The following OLFM2 variants were observed in gnomAD, a reference collection of about 807,000 sequenced individuals.
OLFM2 encodes olfactomedin 2.
OLFM2 carries 20 observed loss-of-function variants against 43.9 expected under a neutral mutation model. The ratio of observed to expected loss-of-function variants is 0.46; its 90% CI spans 0.32 to 0.66. The LOEUF (loss-of-function observed/expected upper bound fraction) is 0.66. Ranked by LOEUF, OLFM2 falls within the 30% of genes least tolerant of loss-of-function variation. The pLI, the probability that OLFM2 is intolerant of heterozygous loss-of-function variation, is 0.04. For synonymous variants in OLFM2, 268 were observed against 278.6 expected, an observed-to-expected ratio of 0.96 and a Z score of 0.38; for missense variants, 416 against 643.6, an observed-to-expected ratio of 0.65 and a Z score of 3.83.
At chr19:9,913,645 G>T in intron 1 of OLFM2, 2 of 1,247,090 alleles carry the variant, frequency 1.6e-6, no homozygotes, top group Non-Finnish European at 1.0e-6. Flanking sequence ...CCCCGCGGCC[G>T]CCCGCCGCGC....
intron 1 of OLFM2, among the ~76,000 whole-genome samples, chr19:9,887,729 T>G (rs2046600240): frequency 6.6e-6 from 1 of 151,962 alleles, no homozygotes; most frequent in Non-Finnish European, 1.5e-5. Flanking sequence ...CCTCCATGGC[T>G]CCCATCTCCC....
At chr19:9,917,589 TC>T (rs1599499742) in intron 1 of OLFM2, among the ~76,000 whole-genome samples, 1 of 152,066 alleles carries the variant, frequency 6.6e-6, no homozygotes, top group African/African-American at 2.4e-5. Context: ...TGCCAGTTCC[TC>T]CCCAAGGGTC....
Position 9,854,978 on chromosome 19 carries a change from A to G in OLFM2, c.688-115T>C. The stretch of plus-strand genomic sequence containing the variant: ...CACTAAGTGGTCATTAGTCATGGGA[A>G]CTCTGTTGACCATTCATTACCAATT... On this transcript the variant is annotated intron_variant, in intron 5 of 5. Coordinates refer to ENST00000264833, the MANE Select transcript of OLFM2 (RefSeq NM_058164.4). This position sits in a 1 kb window ranked among gnomAD's most constrained non-coding sequence, Gnocchi z 9.5. The G allele has an allele frequency of 1.3e-6, 1 of 762,098 alleles. No individual in the cohort carries two copies. 47.2% of individuals were successfully genotyped at this position (762,098 alleles called of 1,614,324 possible). A position where few individuals can be genotyped will look rare whatever the true frequency, so the allele number is the denominator to read the frequency against.
intron 1 of OLFM2, among the ~76,000 whole-genome samples, chr19:9,932,007 A>G (rs1200043426): frequency 6.6e-6 from 1 of 152,188 alleles, no homozygotes; most frequent in Non-Finnish European, 1.5e-5. Flanking sequence ...CCATTCATCC[A>G]TTCAGCAGAT....
Position 9,856,338 on chromosome 19 carries a change from TC to T in OLFM2, c.687+468del, listed in dbSNP as rs1258520056. Among the ~76,000 whole-genome samples the T allele has an allele frequency of 6.6e-6, 1 of 152,140 alleles. No individual in the cohort carries two copies. The highest frequency in any genetic ancestry group is 1.5e-5 in the Non-Finnish European group (1 of 68,022). On this transcript the variant is annotated intron_variant, in intron 5 of 5. Coordinates refer to ENST00000264833, the MANE Select transcript of OLFM2 (RefSeq NM_058164.4). The surrounding 1 kb of genome is among the most constrained non-coding windows in gnomAD (Gnocchi z 4.0). ...GTCTCGAACTCCCGACCTCAGGTGA[TC>T]CGCCCACCTCAGCCTCCCAAAGTGC...
chr19:9,931,039 C>T (rs1275374058), intron 1 of OLFM2, among the ~76,000 whole-genome samples: 2 of 152,242 alleles, frequency 1.3e-5, no homozygotes, highest in East Asian at 1.9e-4. Context: ...AAACCTCACT[C>T]GACCACTAGA....
At chr19:9,863,830 AG>A (rs2046381415) in intron 1 of OLFM2, among the ~76,000 whole-genome samples, 1 of 152,230 alleles carries the variant, frequency 6.6e-6, no homozygotes, top group African/African-American at 2.4e-5. Flanking sequence ...CTAATCTATA[AG>A]GAAAACAAAC....
At chr19:9,901,521 G>A (rs2046739886) in intron 1 of OLFM2, among the ~76,000 whole-genome samples, 1 of 152,146 alleles carries the variant, frequency 6.6e-6, no homozygotes, top group Non-Finnish European at 1.5e-5. Flanking sequence ...TGTATTCCTG[G>A]CTCACTATCC....
At chr19:9,898,391 G>A (rs1323093627) in intron 1 of OLFM2, among the ~76,000 whole-genome samples, 5 of 151,706 alleles carry the variant, frequency 3.3e-5, no homozygotes, top group South Asian at 2.1e-4. Flanking sequence ...GTGTGGTGGC[G>A]GGCGCCTGTA....
intron 1 of OLFM2, among the ~76,000 whole-genome samples, chr19:9,867,352 T>C (rs746362314): frequency 6.6e-5 from 10 of 151,808 alleles, no homozygotes; most frequent in Non-Finnish European, 1.2e-4. Flanking sequence ...GCCTGGGCAA[T>C]AGAGCGAGAC....
chr19:9,857,658 T>G lies in OLFM2; in HGVS notation c.360+57A>C, dbSNP rs879160266. ...GACATGACTCCATTGTAGGAACTAA[T>G]GGATACCAAATCCCAGTCATTTGTT... On this transcript the variant is annotated intron_variant, in intron 3 of 5. Transcript: ENST00000264833. The surrounding 1 kb of genome is among the most constrained non-coding windows in gnomAD (Gnocchi z 5.7). 91 of 1,612,348 alleles carry G rather than the reference T, an allele frequency of 5.6e-5. 1 individual carries two copies. In the South Asian group the frequency reaches 9.0e-4, roughly 16 times the overall value.
chr19:9,923,466 G>T (rs1219053881), intron 1 of OLFM2, among the ~76,000 whole-genome samples: 1 of 150,700 alleles, frequency 6.6e-6, no homozygotes, highest in African/African-American at 2.4e-5. Flanking sequence ...TGATGCACAA[G>T]AATTGCTTGA....
intron 1 of OLFM2, among the ~76,000 whole-genome samples, chr19:9,878,433 G>A (rs994867780): frequency 8.8e-5 from 12 of 136,482 alleles, no homozygotes; most frequent in South Asian, 4.8e-4. Context: ...CTTGTCACCC[G>A]GGCTGGAGTG....
intron 1 of OLFM2, among the ~76,000 whole-genome samples, chr19:9,893,087 A>G (rs566947338): frequency 6.6e-6 from 1 of 152,210 alleles, no homozygotes; most frequent in South Asian, 2.1e-4. Flanking sequence ...CTCCCAGTTA[A>G]GCCTTTGTCT....
At chr19:9,915,496 T>TTTTTTTTATTTA (rs747006813) in intron 1 of OLFM2, among the ~76,000 whole-genome samples, 3 of 94,086 alleles carry the variant, frequency 3.2e-5, no homozygotes, top group African/African-American at 8.4e-5. Context: ...AAAGGGACTT[T>TTTTTTTTATTTA]TTTATTTATT....
chr19:9,912,977 C>T (rs960023509), intron 1 of OLFM2, among the ~76,000 whole-genome samples: 1 of 144,862 alleles, frequency 6.9e-6, no homozygotes, highest in Non-Finnish European at 1.5e-5. Context: ...TGAATAGAGA[C>T]TCAGACAGAA....
At chr19:9,883,747 A>G (rs1269778966) in intron 1 of OLFM2, among the ~76,000 whole-genome samples, 1 of 152,174 alleles carries the variant, frequency 6.6e-6, no homozygotes, top group African/African-American at 2.4e-5. Flanking sequence ...AAGTGATAAC[A>G]TCTTCACCAG....
intron 1 of OLFM2, among the ~76,000 whole-genome samples, chr19:9,886,888 T>A (rs2046592259): frequency 6.6e-6 from 1 of 152,066 alleles, no homozygotes; most frequent in Non-Finnish European, 1.5e-5. Context: ...TTCACCATGT[T>A]GGCCAGGCTG....
intron 1 of OLFM2, among the ~76,000 whole-genome samples, chr19:9,923,357 C>G (rs1299617163): frequency 6.6e-6 from 1 of 151,718 alleles, no homozygotes; most frequent in Non-Finnish European, 1.5e-5. Context: ...GAGTTCAATA[C>G]CAGCCTGGCC....
Sources: allele counts gnomAD v4.1 joint callset (sites outside exome capture counted in the v4.1 genomes callset), GRCh38; gene constraint gnomAD v4.1.1; non-coding constraint Gnocchi (gnomAD v3.1); transcripts MANE v1.5; gene names NCBI Gene and HGNC (gene_info 2026-07-23, HGNC 2026-07-21).